CEP162: variants seen among roughly 807,000 people sequenced by gnomAD.
CEP162 encodes the protein centrosomal protein of 162 kDa.
Under a neutral mutation model 169.2 loss-of-function variants are expected in CEP162, and 141 were observed. That is an observed-to-expected ratio of 0.83 (90% CI 0.73 to 0.96). The LOEUF (loss-of-function observed/expected upper bound fraction) is 0.96, where lower values mean the gene tolerates loss of function less well. CEP162 is among the 40% of genes least tolerant of loss of function. CEP162 has a pLI of 0.00. For missense variants in CEP162, 1,600 were observed against 1,587.2 expected (o/e 1.01, Z -0.14); for synonymous variants, 540 against 526.4 (o/e 1.03, Z -0.35).
intron 13 of CEP162, among the ~76,000 whole-genome samples, chr6:84,181,394 A>G (rs2099534760): frequency 6.6e-6 from 1 of 152,230 alleles, no homozygotes; most frequent in African/African-American, 2.4e-5. Flanking sequence ...AAAACCATAA[A>G]AACCCTAGAA....
chr6:84,226,585 A>C, intron 1 of CEP162, 133 bp from the exon 2 acceptor site: 1 of 566,286 alleles, frequency 1.8e-6, no homozygotes, highest in South Asian at 2.3e-5. Flanking sequence ...GAGCTGGTCA[A>C]GAGATTCCTA....
intron 9 of CEP162, among the ~76,000 whole-genome samples, chr6:84,199,650 G>A (rs2099543648): frequency 6.6e-6 from 1 of 150,782 alleles, no homozygotes. Flanking sequence ...TTTATCAAGT[G>A]TCTGAATTGG....
rs1400494570 is a variant in CEP162, at chr6:84,171,651, A to G, written c.2234T>C (p.Met745Thr). 3.9e-6 allele frequency: 6 copies of G among 1,554,462 alleles called. No homozygotes were observed. The highest frequency in any genetic ancestry group is 2.7e-5 in the African/African-American group (2 of 72,852). ...GAATAAACTTTGGTTTTCCTTAAAC[A>G]TTCGCTCCTCATTTTTCTTGTTTTG... is the stretch of plus-strand genomic sequence containing the variant. ...QEQNKKNEER[M>T]FKENQSLFSE... Residue 745 changes from methionine to threonine, a missense_variant, in exon 17 of 27, where the codon ATG becomes ACG. Transcript: ENST00000403245.
At chr6:84,188,500 G>C (rs2127716736) in intron 11 of CEP162, among the ~76,000 whole-genome samples, 1 of 152,198 alleles carries the variant, frequency 6.6e-6, no homozygotes, top group East Asian at 1.9e-4. Context: ...TTCTGTTCCT[G>C]CATTAGTTTG....
At chr6:84,149,824 T>C (rs1457442184) in intron 23 of CEP162, 121 bp from the exon 24 acceptor site, 1 of 714,672 alleles carries the variant, frequency 1.4e-6, no homozygotes, top group African/African-American at 1.8e-5. Flanking sequence ...GGCACCAATA[T>C]TAACTGCACT....
intron 21 of CEP162, among the ~76,000 whole-genome samples, chr6:84,156,749 C>T (rs1446404069): frequency 1.3e-5 from 2 of 149,446 alleles, no homozygotes; most frequent in Non-Finnish European, 2.9e-5. Context: ...AAAAGACACA[C>T]ACACACACAC....
chr6:84,186,652 G>A (rs2099537290), intron 11 of CEP162, 29 bp from the exon 12 acceptor site: 1 of 1,559,272 alleles, frequency 6.4e-7, no homozygotes, highest in Admixed American at 1.8e-5. Flanking sequence ...CACAGATAAT[G>A]AACCCTATGT....
intron 3 of CEP162, among the ~76,000 whole-genome samples, chr6:84,218,895 C>G (rs1290444393): frequency 6.6e-6 from 1 of 152,178 alleles, no homozygotes; most frequent in Non-Finnish European, 1.5e-5. Context: ...TAAAGCACGA[C>G]TTGAGGTTGT....
intron 18 of CEP162, among the ~76,000 whole-genome samples, chr6:84,168,035 T>G (rs1473311709): frequency 6.6e-6 from 1 of 152,082 alleles, no homozygotes; most frequent in East Asian, 1.9e-4. Context: ...TTACAAGATA[T>G]TTATTATATT....
intron 3 of CEP162, chr6:84,219,296 C>A: frequency 2.1e-6 from 1 of 484,138 alleles, no homozygotes; most frequent in Non-Finnish European, 3.9e-6. Flanking sequence ...AGGGAAACCT[C>A]CCGCTGTTTA....
intron 7 of CEP162, among the ~76,000 whole-genome samples, chr6:84,202,435 T>A (rs534903314): frequency 6.6e-6 from 1 of 152,230 alleles, no homozygotes; most frequent in East Asian, 1.9e-4. Flanking sequence ...GATACCTTTT[T>A]ATGCATATGG....
chr6:84,212,931 A>C, intron 6 of CEP162, 26 bp downstream of exon 6: 1 of 1,353,644 alleles, frequency 7.4e-7, no homozygotes, highest in Non-Finnish European at 1.0e-6. Context: ...TTCAAATATT[A>C]TAAATTTAAG....
chr6:84,206,771 G>A (rs577244661), intron 6 of CEP162, among the ~76,000 whole-genome samples: 7 of 152,294 alleles, frequency 4.6e-5, no homozygotes, highest in Admixed American at 1.3e-4. Context: ...ACTACCATCA[G>A]AGTGAACAGG....
intron 13 of CEP162, among the ~76,000 whole-genome samples, chr6:84,183,106 A>C (rs1476659900): frequency 6.6e-6 from 1 of 152,212 alleles, no homozygotes; most frequent in East Asian, 1.9e-4. Flanking sequence ...TCAGTTTAAA[A>C]ACATTTATGG....
chr6:84,187,833 G>T (rs946522755), intron 11 of CEP162, among the ~76,000 whole-genome samples: 6 of 152,194 alleles, frequency 3.9e-5, no homozygotes, highest in African/African-American at 1.2e-4. Context: ...TTAAGTGCTG[G>T]CTACTATTAG....
chr6:84,192,885 G>T (rs2099540488), intron 11 of CEP162, among the ~76,000 whole-genome samples: 1 of 152,220 alleles, frequency 6.6e-6, no homozygotes, highest in Non-Finnish European at 1.5e-5. Context: ...TGGAGATGCT[G>T]TAAGGTTAAA....
intron 9 of CEP162, among the ~76,000 whole-genome samples, chr6:84,197,779 T>G (rs138340994): frequency 0.024 from 3,592 of 146,918 alleles, 133 homozygotes; most frequent in African/African-American, 0.087. Flanking sequence ...ATCATGCCAC[T>G]GCATTCCAGC....
At chr6:84,202,229 AAGAC>A (rs1413507459) in intron 7 of CEP162, among the ~76,000 whole-genome samples, 6 of 152,314 alleles carry the variant, frequency 3.9e-5, no homozygotes, top group Admixed American at 6.5e-5. Context: ...AACTTTCAGA[AAGAC>A]AGGCCACCAA....
At chr6:84,198,277 A>AT (rs1003489424) in intron 9 of CEP162, among the ~76,000 whole-genome samples, 7 of 151,682 alleles carry the variant, frequency 4.6e-5, no homozygotes, top group South Asian at 2.1e-4. Context: ...ATTTTATTTT[A>AT]TTTATTTATT....
Sources: gnomAD v4.1 joint callset for allele counts (sites outside exome capture counted in the v4.1 genomes callset) on GRCh38, gnomAD v4.1.1 for gene constraint, MANE v1.5 for transcripts, NCBI Gene and HGNC (gene_info 2026-07-23, HGNC 2026-07-21) for gene names.